Variants in KIAA0825 observed in about 807,000 individuals in gnomAD.
KIAA0825 encodes KIAA0825.
KIAA0825 carries 119 observed loss-of-function variants against 147.6 expected under a neutral mutation model. The observed-to-expected ratio is 0.81, with a 90% CI of 0.69 to 0.94. KIAA0825 has a LOEUF of 0.94. Ranked by LOEUF, KIAA0825 falls within the 40% of genes least tolerant of loss-of-function variation. KIAA0825 has a pLI of 0.00. For synonymous variants in KIAA0825, 470 were observed against 518.1 expected, an observed-to-expected ratio of 0.91 and a Z score of 1.26; for missense variants, 1,381 against 1,472.7, an observed-to-expected ratio of 0.94 and a Z score of 1.02.
intron 10 of KIAA0825, among the ~76,000 whole-genome samples, chr5:94,467,073 T>C (rs1760639839): frequency 6.6e-6 from 1 of 152,168 alleles, no homozygotes; most frequent in African/African-American, 2.4e-5. Context: ...TAGTGATAAA[T>C]GAGAAAATAA....
chr5:94,594,692 T>G, intron 1 of KIAA0825: 1 of 634,206 alleles, frequency 1.6e-6, no homozygotes, highest in Non-Finnish European at 3.0e-6. Flanking sequence ...ATCATATAAT[T>G]CAGATTCCTT....
intron 12 of KIAA0825, among the ~76,000 whole-genome samples, chr5:94,458,344 G>A (rs1759386625): frequency 6.6e-6 from 1 of 152,168 alleles, no homozygotes; most frequent in Non-Finnish European, 1.5e-5. Context: ...AAGAAAGGAT[G>A]AATAAAAGGT....
chr5:94,384,625 C>T (rs1335503847), intron 19 of KIAA0825, among the ~76,000 whole-genome samples, 167 bp from the exon 20 acceptor site: 3 of 152,068 alleles, frequency 2.0e-5, no homozygotes, highest in Non-Finnish European at 2.9e-5. Flanking sequence ...GGTTTTTATT[C>T]CAATAAGACG....
chr5:94,569,209 A>G (rs1197432816), intron 2 of KIAA0825: 3 of 222,250 alleles, frequency 1.3e-5, no homozygotes, highest in Middle Eastern at 1.5e-3. Context: ...CAAGACCTCA[A>G]TCCCTGACCC....
At chr5:94,500,173 A>G (rs1400715107) in intron 5 of KIAA0825, among the ~76,000 whole-genome samples, 1 of 152,188 alleles carries the variant, frequency 6.6e-6, no homozygotes, top group Non-Finnish European at 1.5e-5. Context: ...CTTGCTTTCC[A>G]AAACCTAGCC....
At chr5:94,283,154 A>G (rs1215688417) in intron 20 of KIAA0825, among the ~76,000 whole-genome samples, 2 of 152,138 alleles carry the variant, frequency 1.3e-5, no homozygotes, top group Non-Finnish European at 2.9e-5. Context: ...CGGTTACTAC[A>G]TTAAAAAATC....
At chr5:94,461,070 A>G (rs1759756595) in intron 12 of KIAA0825, among the ~76,000 whole-genome samples, 1 of 152,016 alleles carries the variant, frequency 6.6e-6, no homozygotes, top group African/African-American at 2.4e-5. Context: ...CACAAATCAT[A>G]GAGATTTCAG....
intron 20 of KIAA0825, among the ~76,000 whole-genome samples, chr5:94,181,692 A>C (rs1406028362): frequency 2.0e-5 from 3 of 152,224 alleles, no homozygotes; most frequent in African/African-American, 7.2e-5. Context: ...GAACAGGACT[A>C]CATCAAGGTA....
At chr5:94,406,560 C>T (rs1307388330) in intron 15 of KIAA0825, among the ~76,000 whole-genome samples, 1 of 152,144 alleles carries the variant, frequency 6.6e-6, no homozygotes, top group Non-Finnish European at 1.5e-5. Context: ...AAATCTGCAC[C>T]TCCATTAAAG....
intron 20 of KIAA0825, among the ~76,000 whole-genome samples, chr5:94,341,931 T>A (rs1782432263): frequency 6.6e-6 from 1 of 152,116 alleles, no homozygotes; most frequent in Non-Finnish European, 1.5e-5. Context: ...CGGTGGCTCA[T>A]GTCTGTAATC....
chr5:94,266,533 A>G (rs1322573418), intron 20 of KIAA0825, among the ~76,000 whole-genome samples: 1 of 152,214 alleles, frequency 6.6e-6, no homozygotes, highest in East Asian at 1.9e-4. Context: ...CTGAAGGGGT[A>G]ATAAAAATAT....
Position 94,503,254 on chromosome 5 carries a change from T to C in KIAA0825, c.970+16994A>G, listed in dbSNP as rs182241260. Among the ~76,000 whole-genome samples, 820 of 152,168 alleles carry C rather than the reference T, an allele frequency of 5.4e-3. 2 individuals carry two copies. Among genetic ancestry groups the C allele is most frequent in the Non-Finnish European group, 9.4e-3 (640 of 67,998 alleles). On this transcript the variant is annotated intron_variant, in intron 5 of 20. Coordinates refer to ENST00000682413, the MANE Select transcript of KIAA0825 (RefSeq NM_001145678.3). Reference sequence around the variant, plus strand: ...CCTTTTCACATAATCTCCTAACTGATAAATAAATGAATTCCCTATAACACT... The same window carrying C: ...CCTTTTCACATAATCTCCTAACTGACAAATAAATGAATTCCCTATAACACT...
intron 20 of KIAA0825, among the ~76,000 whole-genome samples, chr5:94,245,519 C>A (rs1046231830): frequency 6.6e-6 from 1 of 152,054 alleles, no homozygotes; most frequent in Non-Finnish European, 1.5e-5. Context: ...TCCTCTTTAC[C>A]CCTTTCTCCC....
chr5:94,403,829 C>T, intron 15 of KIAA0825, 36 bp from the exon 16 acceptor site: 1 of 1,509,566 alleles, frequency 6.6e-7, no homozygotes, highest in South Asian at 1.2e-5. Context: ...GTTAGCAGAA[C>T]CTAGCAAATC....
At chr5:94,591,015 CT>C (rs1784254400) in intron 1 of KIAA0825, among the ~76,000 whole-genome samples, 1 of 152,136 alleles carries the variant, frequency 6.6e-6, no homozygotes, top group South Asian at 2.1e-4. Flanking sequence ...AACAAAATTT[CT>C]GGTTAGGAAG....
intron 20 of KIAA0825, among the ~76,000 whole-genome samples, chr5:94,172,463 A>G (rs1367256096): frequency 1.3e-5 from 2 of 152,226 alleles, no homozygotes; most frequent in African/African-American, 4.8e-5. Context: ...ACTGCTTAAC[A>G]GATTATCCCC....
At chr5:94,455,275 A>G (rs1343736603) in intron 12 of KIAA0825, among the ~76,000 whole-genome samples, 2 of 152,236 alleles carry the variant, frequency 1.3e-5, no homozygotes, top group African/African-American at 4.8e-5. Flanking sequence ...GAAACATTCA[A>G]GCAAAACCAA....
chr5:94,285,322 TA>T (rs756847606), intron 20 of KIAA0825, among the ~76,000 whole-genome samples: 1 of 152,144 alleles, frequency 6.6e-6, no homozygotes, highest in Non-Finnish European at 1.5e-5. Flanking sequence ...AACAAATAAT[TA>T]TTTTTTTTAA....
At chr5:94,541,465 G>T (rs1263240853) in intron 2 of KIAA0825, among the ~76,000 whole-genome samples, 5 of 152,182 alleles carry the variant, frequency 3.3e-5, no homozygotes, top group Non-Finnish European at 4.4e-5. Context: ...TTGGCTAAAG[G>T]ATTGTTTTAA....
Sources: allele counts gnomAD v4.1 joint callset (sites outside exome capture counted in the v4.1 genomes callset), GRCh38; gene constraint gnomAD v4.1.1; transcripts MANE v1.5; gene names NCBI Gene and HGNC (gene_info 2026-07-23, HGNC 2026-07-21).